NUP37: variants seen among roughly 807,000 people sequenced by gnomAD.
NUP37 encodes the protein nucleoporin Nup37.
In NUP37, 33 loss-of-function variants were observed where a neutral mutation model predicts 45.4. The observed-to-expected ratio is 0.73, with a 90% CI of 0.55 to 0.97. The LOEUF is 0.97. Ranked by LOEUF, NUP37 falls within the 50% of genes least tolerant of loss-of-function variation. The pLI, the probability that NUP37 is intolerant of heterozygous loss-of-function variation, is 0.00. For synonymous variants in NUP37, 127 were observed against 130.7 expected (o/e 0.97, Z 0.19); for missense variants, 365 against 389.7 (o/e 0.94, Z 0.53).
chr12:102,085,992 A>G, intron 5 of NUP37, 136 bp from the exon 6 acceptor site: 1 of 422,380 alleles, frequency 2.4e-6, no homozygotes, highest in South Asian at 5.3e-5. Context: ...ATATCTTTTT[A>G]AAGAAAATTA....
At chr12:102,080,735 C>T (rs1879309471) in intron 6 of NUP37, among the ~76,000 whole-genome samples, 1 of 152,188 alleles carries the variant, frequency 6.6e-6, no homozygotes, top group Admixed American at 6.5e-5. Context: ...CTACAGTGCA[C>T]ACATGTTCCC....
intron 8 of NUP37, 97 bp from the exon 9 acceptor site, chr12:102,075,191 T>A: frequency 1.3e-6 from 1 of 742,720 alleles, no homozygotes; most frequent in Non-Finnish European, 2.2e-6. Context: ...TCTTTTTTTT[T>A]AAGAGACAGG....
chr12:102,074,633 T>TGAA, intron 9 of NUP37, 166 bp from the exon 10 acceptor site: 1 of 561,820 alleles, frequency 1.8e-6, no homozygotes. Flanking sequence ...GATACGCAGC[T>TGAA]GAAACATGGG....
Position 102,080,730 on chromosome 12 carries a change from G to C in NUP37, c.541-3227C>G, listed in dbSNP as rs564646299. ...TTGAATCCAGGTCTGTTTAACTACA[G>C]TGCACACATGTTCCCTGCTACAAGG... On this transcript the variant is annotated intron_variant, in intron 6 of 9. Coordinates refer to ENST00000552283, the MANE Select transcript of NUP37 (RefSeq NM_024057.4). 2.0e-5 allele frequency among the ~76,000 whole-genome samples: 3 copies of C among 152,298 alleles called. 1 individual carries two copies. The highest frequency in any genetic ancestry group is 7.2e-5 in the African/African-American group (3 of 41,560).
At chr12:102,090,241 T>A (rs1268672101) in intron 5 of NUP37, among the ~76,000 whole-genome samples, 1 of 152,196 alleles carries the variant, frequency 6.6e-6, no homozygotes, top group Non-Finnish European at 1.5e-5. Flanking sequence ...CAACTCTTTT[T>A]TTTTTTGCGT....
At position 102,082,112 on chromosome 12, in the gene NUP37, T is replaced by C. The variant is rs528065325; in HGVS notation, c.540+3654A>G. Among the ~76,000 whole-genome samples the C allele has an allele frequency of 4.6e-5, 7 of 152,308 alleles. No individual in the cohort carries two copies. In the East Asian group the frequency reaches 1.3e-3, roughly 29 times the overall value. On this transcript the variant is annotated intron_variant, in intron 6 of 9. Coordinates refer to ENST00000552283, the MANE Select transcript of NUP37 (RefSeq NM_024057.4). ...TCCTTGGTCCTGTTATTAGTATGCA[T>C]TGAAATCCTAGCTCCTATTGAGTCT...
intron 9 of NUP37, 150 bp downstream of exon 9, chr12:102,074,851 A>G (rs1417230751): frequency 4.3e-6 from 2 of 468,392 alleles, no homozygotes; most frequent in African/African-American, 4.0e-5. Context: ...AACAAAAACA[A>G]ATGAACCACC....
chr12:102,105,737 T>C (rs113344992), intron 3 of NUP37, among the ~76,000 whole-genome samples: 2,023 of 151,428 alleles, frequency 0.013, 31 homozygotes, highest in Non-Finnish European at 0.02. Context: ...GATGTGCACC[T>C]ATAATCCCAG....
chr12:102,080,027 G>C (rs1226186211), intron 6 of NUP37, among the ~76,000 whole-genome samples: 1 of 152,068 alleles, frequency 6.6e-6, no homozygotes, highest in Non-Finnish European at 1.5e-5. Context: ...GAATAATGAA[G>C]ATCTACTGTA....
At chr12:102,107,910 A>G (rs1880201140) in intron 3 of NUP37, among the ~76,000 whole-genome samples, 1 of 152,350 alleles carries the variant, frequency 6.6e-6, no homozygotes, top group Admixed American at 6.5e-5. Context: ...AGGGGAAGGA[A>G]GAAGGCTGAT....
chr12:102,074,792 A>C (rs1435231541), intron 9 of NUP37: 3 of 455,434 alleles, frequency 6.6e-6, no homozygotes, highest in Non-Finnish European at 1.2e-5. Flanking sequence ...CTGGCCAAAA[A>C]AACCTGTTGT....
chr12:102,076,793 T>C lies in NUP37; in HGVS notation c.773+4A>G. The C allele has an allele frequency of 6.2e-7, 1 of 1,612,856 alleles. No individual in the cohort carries two copies. The highest frequency in any genetic ancestry group is 8.5e-7 in the Non-Finnish European group (1 of 1,179,096). On this transcript the variant is annotated splice_donor_region_variant and intron_variant, in intron 8 of 9. Transcript: ENST00000552283. The stretch of plus-strand genomic sequence containing the variant: ...TCACAGCTCCAACAAAAACGGTACA[T>C]TACCTGAATAAGCAGGCTCGATCCA...
chr12:102,112,071 C>T (rs1238026093), intron 3 of NUP37, 37 bp downstream of exon 3: 3 of 1,592,444 alleles, frequency 1.9e-6, no homozygotes, highest in South Asian at 1.1e-5. Flanking sequence ...AATCAAAGTA[C>T]ATTAGTAAGG....
intron 9 of NUP37, 67 bp downstream of exon 9, chr12:102,074,934 T>C: frequency 1.0e-6 from 1 of 975,204 alleles, no homozygotes; most frequent in Non-Finnish European, 1.5e-6. Flanking sequence ...GGGCTATGAG[T>C]GGAAAAGTCA....
intron 2 of NUP37, among the ~76,000 whole-genome samples, chr12:102,114,515 A>G (rs1311464344): frequency 1.3e-5 from 2 of 152,234 alleles, no homozygotes; most frequent in Non-Finnish European, 2.9e-5. Context: ...AGAATTGTAT[A>G]GGCAGGAAAT....
intron 6 of NUP37, among the ~76,000 whole-genome samples, chr12:102,083,205 A>C (rs1451096410): frequency 6.6e-6 from 1 of 152,360 alleles, no homozygotes; most frequent in East Asian, 1.9e-4. Flanking sequence ...GTTTTTAAAA[A>C]GCAGTTTATT....
intron 6 of NUP37, among the ~76,000 whole-genome samples, chr12:102,085,093 TAAAAC>T (rs1477760246): frequency 6.6e-6 from 1 of 152,100 alleles, no homozygotes; most frequent in Non-Finnish European, 1.5e-5. Context: ...TGATGTAACT[TAAAAC>T]AAACAACAAA....
chr12:102,087,866 A>T (rs1284170997), intron 5 of NUP37, among the ~76,000 whole-genome samples: 2 of 152,204 alleles, frequency 1.3e-5, no homozygotes, highest in African/African-American at 4.8e-5. Context: ...AAATATGGAT[A>T]AAAATATTAA....
rs139413412 is a variant in NUP37, at chr12:102,095,476, C to T, written c.449+3630G>A. On this transcript the variant is annotated intron_variant, in intron 5 of 9. Coordinates refer to ENST00000552283, the MANE Select transcript of NUP37 (RefSeq NM_024057.4). ...ATGTATATGCATGTGAGTGCATCTG[C>T]ATATGGTAGACATGATGAGGGATCA... Among the ~76,000 whole-genome samples the T allele has an allele frequency of 5.9e-3, 894 of 152,138 alleles. 11 individuals are homozygous for T. Among genetic ancestry groups the T allele is most frequent in the African/African-American group, 0.02 (838 of 41,534 alleles).
Sources: gnomAD v4.1 joint callset for allele counts (sites outside exome capture counted in the v4.1 genomes callset) on GRCh38, gnomAD v4.1.1 for gene constraint, MANE v1.5 for transcripts, NCBI Gene and HGNC (gene_info 2026-07-23, HGNC 2026-07-21) for gene names.